Variants in RANBP3 observed in about 807,000 individuals in gnomAD.
RANBP3 encodes the protein RAN binding protein 3, also known as ran-binding protein 3.
A neutral mutation model predicts 77.3 loss-of-function variants in RANBP3; 14 were observed. That is an observed-to-expected ratio of 0.18 (90% CI 0.12 to 0.28). The LOEUF is 0.28. RANBP3 is among the 10% of genes least tolerant of loss of function. The pLI is 1.00. For missense variants in RANBP3, 586 were observed against 752.3 expected, an observed-to-expected ratio of 0.78 and a Z score of 2.59; for synonymous variants, 315 against 312.4, an observed-to-expected ratio of 1.01 and a Z score of -0.09.
chr19:5,959,084 T>C lies in RANBP3; in HGVS notation c.23-1111A>G, dbSNP rs1255194179. 1.3e-5 allele frequency among the ~76,000 whole-genome samples: 2 copies of C among 151,670 alleles called. No homozygotes were observed. The highest frequency in any genetic ancestry group is 4.8e-5 in the African/African-American group (2 of 41,266). ...TGCTCTGGAGTCCAGGGGAGGTCCC[T>C]GAGAAGAGGGGGCTGTGCTGGGGTC... On this transcript the variant is annotated intron_variant, in intron 1 of 16. Coordinates refer to ENST00000340578, the MANE Select transcript of RANBP3 (RefSeq NM_007322.3). The surrounding 1 kb of genome is among the most constrained non-coding windows in gnomAD (Gnocchi z 5.1).
chr19:5,932,624 C>A (rs1386925088), intron 6 of RANBP3, 80 bp from the exon 7 acceptor site: 3 of 1,112,730 alleles, frequency 2.7e-6, no homozygotes, highest in Admixed American at 1.9e-5. Flanking sequence ...CCCCTGGCAT[C>A]CCATTTCATG....
rs1307477472 is a variant in RANBP3 at position 5,924,091 on chromosome 19, G to A, written c.997-177C>T. On this transcript the variant is annotated intron_variant, in intron 11 of 16. Coordinates refer to ENST00000340578, the MANE Select transcript of RANBP3 (RefSeq NM_007322.3). The surrounding 1 kb of genome is among the most constrained non-coding windows in gnomAD (Gnocchi z 4.7). ...CACGTGGTCCCTCAGGCATCACTAC[G>A]GGGTGAGTGCCACCAGCCGACAGTC... is the stretch of plus-strand genomic sequence containing the variant. Among the ~76,000 whole-genome samples, 1 of 152,184 alleles carries A rather than the reference G, an allele frequency of 6.6e-6. No homozygotes were observed. The highest frequency in any genetic ancestry group is 1.5e-5 in the Non-Finnish European group (1 of 68,040).
chr19:5,924,898 T>A lies in RANBP3; in HGVS notation c.925A>T (p.Asn309Tyr), dbSNP rs1044884429. 1.5e-5 allele frequency: 24 copies of A among 1,613,688 alleles called. No homozygotes were observed. Among genetic ancestry groups the A allele is most frequent in the Non-Finnish European group, 1.7e-5 (20 of 1,179,686 alleles). ...GAGGCGTCGGCACTATTGGTTGAGT[T>A]CTCTAAACTGAAGAGAAGATGTGCA... ...FLQYISSSLENSTNSADASSN... is the reference protein window; with the variant it reads ...FLQYISSSLEYSTNSADASSN... The change falls in exon 11 of 17, where the codon AAC (asparagine) becomes TAC (tyrosine). Residue 309 changes from asparagine (N) to tyrosine (Y), a missense_variant. Coordinates refer to ENST00000340578, the MANE Select transcript of RANBP3 (RefSeq NM_007322.3). This position sits in a 1 kb window ranked among gnomAD's most constrained non-coding sequence, Gnocchi z 4.7.
chr19:5,937,755 C>T (rs2058085039), intron 5 of RANBP3, among the ~76,000 whole-genome samples: 1 of 105,926 alleles, frequency 9.4e-6, no homozygotes. Context: ...TCGGGGCCTG[C>T]GAAACAGCTG....
intron 5 of RANBP3, among the ~76,000 whole-genome samples, chr19:5,938,060 C>T (rs926943807): frequency 6.6e-6 from 1 of 152,092 alleles, no homozygotes; most frequent in African/African-American, 2.4e-5. Context: ...ACCAGGTGGT[C>T]GGCTCAAAAC....
chr19:5,926,546 G>A (rs1177437082), intron 9 of RANBP3, among the ~76,000 whole-genome samples: 2 of 152,032 alleles, frequency 1.3e-5, no homozygotes, highest in African/African-American at 2.4e-5. Context: ...GCAAGACTTC[G>A]TGTCCAAAGA....
chr19:5,919,295 C>T (rs1261710305), intron 14 of RANBP3, among the ~76,000 whole-genome samples: 3 of 152,240 alleles, frequency 2.0e-5, no homozygotes, highest in African/African-American at 7.2e-5. Context: ...ACCCCGTGGA[C>T]TCAGCCAAGC....
intron 1 of RANBP3, among the ~76,000 whole-genome samples, chr19:5,976,096 C>T (rs2058587864): frequency 6.6e-6 from 1 of 152,098 alleles, no homozygotes; most frequent in African/African-American, 2.4e-5. Flanking sequence ...ATAGTATTTG[C>T]TGTGCAGTAT....
chr19:5,963,644 A>G (rs79928268), intron 1 of RANBP3, among the ~76,000 whole-genome samples: 14,322 of 152,250 alleles, frequency 0.094, 771 homozygotes, highest in Middle Eastern at 0.18. Flanking sequence ...GACATCCACA[A>G]TGAGGCCTGA....
Position 5,921,429 on chromosome 19 carries a change from G to T in RANBP3, c.1210-108C>A. 1 of 1,460,832 alleles carries T rather than the reference G, an allele frequency of 6.8e-7. No individual in the cohort carries two copies. The highest frequency in any genetic ancestry group is 2.0e-5 in the Admixed American group (1 of 50,014). 90.5% of individuals were successfully genotyped at this position (1,460,832 alleles called of 1,614,324 possible). A position where few individuals can be genotyped will look rare whatever the true frequency, so the allele number is the denominator to read the frequency against. On this transcript the variant is annotated intron_variant, in intron 13 of 16. Coordinates refer to ENST00000340578, the MANE Select transcript of RANBP3 (RefSeq NM_007322.3). This position sits in a 1 kb window ranked among gnomAD's most constrained non-coding sequence, Gnocchi z 5.3. ...GTGGGGACTGCCAGGGCCAGCCAAC[G>T]ACGGCCTGGGGGCCACCTTGGTCAG...
At chr19:5,967,511 T>C (rs901853015) in intron 1 of RANBP3, among the ~76,000 whole-genome samples, 2 of 152,202 alleles carry the variant, frequency 1.3e-5, no homozygotes, top group Non-Finnish European at 2.9e-5. Flanking sequence ...TCATTCATCA[T>C]AGACGCATCC....
In RANBP3 at chr19:5,921,185, G is replaced by A. The variant is rs756442447; in HGVS notation, c.1330+16C>T. On this transcript the variant is annotated intron_variant, in intron 14 of 16. Transcript: ENST00000340578. The surrounding 1 kb of genome is among the most constrained non-coding windows in gnomAD (Gnocchi z 5.3). ...CCATGGGGACCCGGCCACAGCCCCC[G>A]CCGTCGGCAGCTCACCTAGTCGGGA... The A allele has an allele frequency of 1.4e-5, 22 of 1,604,302 alleles. No individual in the cohort carries two copies. Among genetic ancestry groups the A allele is most frequent in the South Asian group, 3.3e-5 (3 of 90,424 alleles).
chr19:5,975,564 G>A (rs963115167), intron 1 of RANBP3, among the ~76,000 whole-genome samples: 8 of 150,520 alleles, frequency 5.3e-5, no homozygotes, highest in Non-Finnish European at 8.8e-5. Context: ...GCCAGGCACC[G>A]TTCTAGATGC....
chr19:5,949,847 G>T (rs1178602491), intron 3 of RANBP3, among the ~76,000 whole-genome samples: 2 of 152,130 alleles, frequency 1.3e-5, no homozygotes, highest in African/African-American at 2.4e-5. Flanking sequence ...AGTACGCAGG[G>T]CACAGAACAG....
At chr19:5,976,740 C>T (rs1184607072) in intron 1 of RANBP3, among the ~76,000 whole-genome samples, 1 of 152,140 alleles carries the variant, frequency 6.6e-6, no homozygotes, top group South Asian at 2.1e-4. Context: ...TAGACTCCGT[C>T]CCAAAAAATA....
chr19:5,943,567 T>C (rs953177177), intron 3 of RANBP3, among the ~76,000 whole-genome samples: 11 of 152,212 alleles, frequency 7.2e-5, no homozygotes, highest in African/African-American at 2.4e-4. Flanking sequence ...GGAAGTTGAC[T>C]TGAAGTCACA....
chr19:5,938,766 G>C (rs1174065187), intron 5 of RANBP3, among the ~76,000 whole-genome samples: 2 of 152,170 alleles, frequency 1.3e-5, no homozygotes, highest in Non-Finnish European at 2.9e-5. Context: ...ATTAATGTGA[G>C]AATGCACAAA....
At chr19:5,960,054 G>A (rs1466737945) in intron 1 of RANBP3, among the ~76,000 whole-genome samples, 2 of 152,142 alleles carry the variant, frequency 1.3e-5, no homozygotes, top group Non-Finnish European at 2.9e-5. Context: ...TGGGGCTGCT[G>A]AGCTGCTGGT....
In RANBP3 at chr19:5,927,969, T is replaced by G; in HGVS notation, c.812A>C (p.Lys271Thr). The G allele has an allele frequency of 3.1e-6, 5 of 1,610,726 alleles. No homozygotes were observed. Among genetic ancestry groups the G allele is most frequent in the Non-Finnish European group, 4.2e-6 (5 of 1,178,898 alleles). The change falls in exon 9 of 17, where the codon AAG becomes ACG. Residue 271 changes from lysine to threonine, a missense_variant and splice_region_variant. Lys to Thr is a moderately conservative substitution (Grantham distance 78). Around this residue, in one of 5 missense-constraint regions of RANBP3, gnomAD observed 232 missense variants for 271.7 expected, o/e 0.85. Transcript: ENST00000340578. ...VFGQNLRDRV[K>T]LINESVDEAD... ...GTGCTGGTTCAACAGCTCACATACC[T>G]TAACTCTGTCCCTCAAGTTCTGCCC... is the stretch of plus-strand genomic sequence containing the variant.
Sources: allele counts gnomAD v4.1 joint callset (sites outside exome capture counted in the v4.1 genomes callset), GRCh38; gene constraint gnomAD v4.1.1; regional missense constraint gnomAD v4.1.1; non-coding constraint Gnocchi (gnomAD v3.1); transcripts MANE v1.5; gene names NCBI Gene and HGNC (gene_info 2026-07-23, HGNC 2026-07-21).